The following GALNTL6 variants were observed in gnomAD, a reference collection of about 807,000 sequenced individuals.
The protein encoded by GALNTL6 is polypeptide N-acetylgalactosaminyltransferase like 6.
Under a neutral mutation model 73.7 loss-of-function variants are expected in GALNTL6, and 46 were observed. That is an observed-to-expected ratio of 0.62 (90% confidence interval 0.49 to 0.80). The LOEUF (loss-of-function observed/expected upper bound fraction) is 0.80, where lower values mean the gene tolerates loss of function less well. Among genes scored for constraint, GALNTL6 ranks in the 30% least tolerant of loss-of-function variants. The probability of loss-of-function intolerance (pLI) is 0.00; values close to 1 mark genes in which losing one functional copy is unlikely to be tolerated. For missense variants in GALNTL6, 604 were observed against 755.0 expected (o/e 0.80, Z 2.34); for synonymous variants, 259 against 263.7 (o/e 0.98, Z 0.17).
At chr4:172,779,672 C>T (rs1255994610) in intron 5 of GALNTL6, among the ~76,000 whole-genome samples, 4 of 152,162 alleles carry the variant, frequency 2.6e-5, no homozygotes, top group African/African-American at 7.2e-5. Flanking sequence ...TAGACAGACT[C>T]ATAGTCAGTA....
intron 5 of GALNTL6, among the ~76,000 whole-genome samples, chr4:172,607,398 G>C (rs1738346462): frequency 6.6e-6 from 1 of 151,154 alleles, no homozygotes; most frequent in Non-Finnish European, 1.5e-5. Context: ...TACGGTATTT[G>C]GTTTTCTATT....
At chr4:172,549,679 A>C (rs2110895708) in intron 5 of GALNTL6, among the ~76,000 whole-genome samples, 1 of 152,166 alleles carries the variant, frequency 6.6e-6, no homozygotes, top group Non-Finnish European at 1.5e-5. Flanking sequence ...AGTAATGCAC[A>C]CAAGCTAGTT....
At chr4:172,140,573 T>C (rs537254846) in intron 2 of GALNTL6, among the ~76,000 whole-genome samples, 131 of 152,146 alleles carry the variant, frequency 8.6e-4, no homozygotes, top group Middle Eastern at 3.4e-3. Flanking sequence ...ACTGAAGAGA[T>C]GAAATTTTCT....
intron 5 of GALNTL6, among the ~76,000 whole-genome samples, chr4:172,638,594 A>G (rs998360141): frequency 2.0e-5 from 3 of 152,182 alleles, no homozygotes; most frequent in Admixed American, 2.0e-4. Flanking sequence ...CAGAAATAGT[A>G]AACACAGTTC....
chr4:172,529,002 T>C (rs1735078211), intron 5 of GALNTL6, among the ~76,000 whole-genome samples: 1 of 44,192 alleles, frequency 2.3e-5, no homozygotes, highest in Admixed American at 3.5e-4. Flanking sequence ...TATATATATA[T>C]ATATACACAC....
At chr4:173,039,337 T>G (rs997368777) in intron 12 of GALNTL6, among the ~76,000 whole-genome samples, 1 of 152,218 alleles carries the variant, frequency 6.6e-6, no homozygotes. Flanking sequence ...TGCCTGTGTG[T>G]CCCTTGTCCC....
intron 2 of GALNTL6, among the ~76,000 whole-genome samples, chr4:172,018,344 G>A (rs1741275127): frequency 6.6e-6 from 1 of 152,118 alleles, no homozygotes; most frequent in Non-Finnish European, 1.5e-5. Context: ...GCAGGATTAT[G>A]TGGGTCTGAG....
intron 5 of GALNTL6, among the ~76,000 whole-genome samples, chr4:172,456,409 TA>T (rs1251942185): frequency 6.6e-6 from 1 of 151,596 alleles, no homozygotes; most frequent in African/African-American, 2.4e-5. Flanking sequence ...TCCTCCAAGC[TA>T]AAGGAGCATG....
At position 172,937,821 on chromosome 4, in the gene GALNTL6, T is replaced by C. The variant is rs540344714; in HGVS notation, c.1149+6553T>C. On this transcript the variant is annotated intron_variant, in intron 9 of 12. Coordinates refer to ENST00000506823, the MANE Select transcript of GALNTL6 (RefSeq NM_001034845.3). ...ATTATGGAATGAAATCTGTATCTTA[T>C]ATAGTTCACTATTTGGAAATTGTTT... Among the ~76,000 whole-genome samples, 50 of 152,336 alleles carry C rather than the reference T, an allele frequency of 3.3e-4. 1 individual carries two copies. In the East Asian group the frequency reaches 8.9e-3, roughly 27 times the overall value.
intron 2 of GALNTL6, among the ~76,000 whole-genome samples, chr4:172,048,379 G>T (rs987460475): frequency 6.6e-6 from 1 of 152,072 alleles, no homozygotes; most frequent in Non-Finnish European, 1.5e-5. Context: ...ACTATTTTGG[G>T]TTAAATTTTT....
intron 5 of GALNTL6, among the ~76,000 whole-genome samples, chr4:172,423,430 G>A (rs996066717): frequency 1.3e-5 from 2 of 151,898 alleles, no homozygotes; most frequent in Admixed American, 6.6e-5. Context: ...TACTGCCGCA[G>A]TCAGTACACT....
intron 5 of GALNTL6, among the ~76,000 whole-genome samples, chr4:172,371,601 C>T (rs1009425684): frequency 6.6e-6 from 1 of 152,034 alleles, no homozygotes; most frequent in Non-Finnish European, 1.5e-5. Context: ...CTCTTCCTCT[C>T]TTTCCTTCTT....
chr4:172,847,623 C>T (rs1471979900), intron 7 of GALNTL6, among the ~76,000 whole-genome samples: 1 of 152,170 alleles, frequency 6.6e-6, no homozygotes, highest in Non-Finnish European at 1.5e-5. Context: ...CAGACATTCA[C>T]TGTGTTCCCG....
intron 2 of GALNTL6, among the ~76,000 whole-genome samples, chr4:172,085,471 G>A (rs1732004586): frequency 6.6e-6 from 1 of 151,932 alleles, no homozygotes; most frequent in African/African-American, 2.4e-5. Flanking sequence ...GAGGATCACT[G>A]GAGCCCAGGA....
intron 7 of GALNTL6, among the ~76,000 whole-genome samples, chr4:172,848,144 C>A (rs1340420690): frequency 6.6e-6 from 1 of 152,150 alleles, no homozygotes; most frequent in Non-Finnish European, 1.5e-5. Flanking sequence ...CTTGGGATAT[C>A]TTTAAATCAT....
intron 4 of GALNTL6, among the ~76,000 whole-genome samples, chr4:172,321,493 G>GA (rs1258439099): frequency 1.3e-5 from 2 of 151,944 alleles, no homozygotes; most frequent in African/African-American, 4.8e-5. Flanking sequence ...AAATATAACA[G>GA]AAAAAGACTT....
intron 3 of GALNTL6, among the ~76,000 whole-genome samples, chr4:172,272,208 G>A (rs1281690743): frequency 6.6e-6 from 1 of 152,134 alleles, no homozygotes; most frequent in Non-Finnish European, 1.5e-5. Flanking sequence ...GCTCACCTCA[G>A]CCTCCCAAAT....
chr4:172,600,349 A>G (rs2034793), intron 5 of GALNTL6, among the ~76,000 whole-genome samples: 4,725 of 152,218 alleles, frequency 0.031, 114 homozygotes, highest in South Asian at 0.085. Flanking sequence ...AGTAAGGCCT[A>G]TCATCCTTCT....
intron 7 of GALNTL6, among the ~76,000 whole-genome samples, chr4:172,818,152 C>T (rs185214740): frequency 6.6e-6 from 1 of 152,286 alleles, no homozygotes; most frequent in Admixed American, 6.5e-5. Flanking sequence ...GTTTCTCCAA[C>T]TTGTCTCCAA....
Sources: allele counts gnomAD v4.1 joint callset (sites outside exome capture counted in the v4.1 genomes callset), GRCh38; gene constraint gnomAD v4.1.1; transcripts MANE v1.5; gene names NCBI Gene and HGNC (gene_info 2026-07-23, HGNC 2026-07-21).